The following UBE2H variants were observed in gnomAD, a reference collection of about 807,000 sequenced individuals.
The protein encoded by UBE2H is ubiquitin conjugating enzyme E2 H, also known as ubiquitin-conjugating enzyme E2 H.
In UBE2H, 3 loss-of-function variants were observed where a neutral mutation model predicts 29.0. The ratio of observed to expected loss-of-function variants is 0.10; its 90% confidence interval spans 0.05 to 0.27. The LOEUF is 0.27. UBE2H is among the 10% of genes least tolerant of loss of function. The pLI is 1.00. For missense variants in UBE2H, 68 were observed against 228.2 expected, an observed-to-expected ratio of 0.30 and a Z score of 4.52; for synonymous variants, 69 against 82.9, an observed-to-expected ratio of 0.83 and a Z score of 0.91.
At chr7:129,929,565 G>A (rs1486119758) in intron 1 of UBE2H, among the ~76,000 whole-genome samples, 1 of 151,966 alleles carries the variant, frequency 6.6e-6, no homozygotes, top group South Asian at 2.1e-4. Context: ...GGAAAAAAAG[G>A]TCTCAGAATC....
chr7:129,934,440 C>A (rs953636596), intron 1 of UBE2H, among the ~76,000 whole-genome samples: 10 of 149,400 alleles, frequency 6.7e-5, no homozygotes, highest in South Asian at 2.1e-4. Flanking sequence ...GAGTTCAAGA[C>A]CAGCCTGGCC....
At chr7:129,913,630 TG>T (rs1806984974) in intron 1 of UBE2H, among the ~76,000 whole-genome samples, 1 of 152,180 alleles carries the variant, frequency 6.6e-6, no homozygotes, top group Admixed American at 6.5e-5. Flanking sequence ...ATGAGGAAAC[TG>T]AGCCTCAGAA....
chr7:129,911,263 G>A (rs1203329924), intron 1 of UBE2H, among the ~76,000 whole-genome samples: 1 of 151,908 alleles, frequency 6.6e-6, no homozygotes, highest in Non-Finnish European at 1.5e-5. Flanking sequence ...AGCTACTCAG[G>A]AGGCTGAGGC....
intron 1 of UBE2H, among the ~76,000 whole-genome samples, chr7:129,938,308 G>T (rs1807569889): frequency 6.8e-6 from 1 of 147,866 alleles, no homozygotes; most frequent in Admixed American, 6.8e-5. Flanking sequence ...GCTACTCAGG[G>T]GGATGAGGCG....
intron 3 of UBE2H, among the ~76,000 whole-genome samples, chr7:129,860,073 G>T (rs1805772867): frequency 6.6e-6 from 1 of 152,216 alleles, no homozygotes; most frequent in Non-Finnish European, 1.5e-5. Context: ...AGTAAAATGG[G>T]AAGAGTCAGG....
chr7:129,876,849 T>C (rs1339499380), intron 3 of UBE2H, among the ~76,000 whole-genome samples: 2 of 152,224 alleles, frequency 1.3e-5, no homozygotes, highest in Non-Finnish European at 2.9e-5. Flanking sequence ...CCCACTCATT[T>C]ATAGATGCAA....
At position 129,832,563 on chromosome 7, in the gene UBE2H, C is replaced by G. The variant is rs151092864; in HGVS notation, c.*2374G>C. On this transcript the variant is annotated 3_prime_UTR_variant, in exon 7 of 7. Coordinates refer to ENST00000355621, the MANE Select transcript of UBE2H (RefSeq NM_003344.4). ...ACTCCTACAACCTCCCCCAGCAGGT[C>G]ATTTGACAATTCTGCATCTTCCGCT... 2 of 152,376 alleles carry G rather than the reference C, an allele frequency of 1.3e-5. No individual in the cohort carries two copies. Among genetic ancestry groups the G allele is most frequent in the East Asian group, 3.9e-4 (2 of 5,176 alleles). The allele number at this position is 152,376 out of a possible 1,614,324, so 9.4% of individuals were successfully genotyped here.
rs550273712 is a variant in UBE2H at position 129,952,629 on chromosome 7, C to A, written c.-74G>T. 36 of 1,543,458 alleles carry A rather than the reference C, an allele frequency of 2.3e-5. 1 individual carries two copies. The South Asian group carries it at 4.2e-4, about 18-fold the overall frequency. ...CGGGGCCCCGGCTCTGAGGAGCCCG[C>A]GGCCGCGCCGGCTCCTCGGTGGAGG... On this transcript the variant is annotated 5_prime_UTR_variant, in exon 1 of 7. Coordinates refer to ENST00000355621, the MANE Select transcript of UBE2H (RefSeq NM_003344.4).
chr7:129,910,759 A>G (rs1452941097), intron 1 of UBE2H, among the ~76,000 whole-genome samples: 1 of 151,870 alleles, frequency 6.6e-6, no homozygotes, highest in Non-Finnish European at 1.5e-5. Flanking sequence ...GTGGGCACCT[A>G]TAATCCCAGC....
intron 1 of UBE2H, among the ~76,000 whole-genome samples, chr7:129,898,432 G>A (rs1806642760): frequency 1.3e-5 from 2 of 152,084 alleles, no homozygotes; most frequent in African/African-American, 4.8e-5. Flanking sequence ...TCAACAATAA[G>A]AATGAAGGCT....
intron 1 of UBE2H, among the ~76,000 whole-genome samples, chr7:129,934,638 T>TAAAA (rs758214225): frequency 1.2e-4 from 8 of 65,822 alleles, no homozygotes; most frequent in South Asian, 5.5e-4. Context: ...ACTCCGTCTT[T>TAAAA]AAAAAAAAAA....
chr7:129,917,262 T>A (rs1671634585), intron 1 of UBE2H, among the ~76,000 whole-genome samples: 1 of 152,244 alleles, frequency 6.6e-6, no homozygotes, highest in African/African-American at 2.4e-5. Context: ...TTATGCTGTT[T>A]TTCATTTTAT....
intron 5 of UBE2H, among the ~76,000 whole-genome samples, chr7:129,853,693 G>A (rs1249052322): frequency 6.6e-6 from 1 of 152,190 alleles, no homozygotes; most frequent in African/African-American, 2.4e-5. Context: ...GAGAAAACAG[G>A]ATAAGAACAG....
intron 1 of UBE2H, among the ~76,000 whole-genome samples, chr7:129,890,444 G>A (rs931413793): frequency 4.6e-5 from 7 of 151,766 alleles, no homozygotes; most frequent in Middle Eastern, 3.4e-3. Flanking sequence ...CAATGGTGTG[G>A]TCTCGGCTCC....
At chr7:129,869,615 A>G (rs1022055468) in intron 3 of UBE2H, among the ~76,000 whole-genome samples, 1 of 152,230 alleles carries the variant, frequency 6.6e-6, no homozygotes, top group Non-Finnish European at 1.5e-5. Context: ...CACAGGAAGC[A>G]TCATTCACAT....
chr7:129,870,329 A>G (rs1806003143), intron 3 of UBE2H, among the ~76,000 whole-genome samples: 1 of 152,192 alleles, frequency 6.6e-6, no homozygotes, highest in African/African-American at 2.4e-5. Context: ...TAAAAATTAA[A>G]AACAGGCCAG....
At chr7:129,915,962 CTCG>C (rs1807035849) in intron 1 of UBE2H, among the ~76,000 whole-genome samples, 1 of 152,136 alleles carries the variant, frequency 6.6e-6, no homozygotes, top group Non-Finnish European at 1.5e-5. Context: ...CTCTATCTGC[CTCG>C]TAAGTCCATC....
At chr7:129,870,166 A>C (rs368555194) in intron 3 of UBE2H, among the ~76,000 whole-genome samples, 10 of 151,460 alleles carry the variant, frequency 6.6e-5, no homozygotes, top group East Asian at 3.9e-4. Flanking sequence ...CTCTTCTCAA[A>C]CACCAGGCCT....
At chr7:129,912,351 T>C (rs1375125339) in intron 1 of UBE2H, among the ~76,000 whole-genome samples, 1 of 152,200 alleles carries the variant, frequency 6.6e-6, no homozygotes, top group Non-Finnish European at 1.5e-5. Flanking sequence ...ATCTTGGCGA[T>C]GAGACTCAAG....
Sources: gnomAD v4.1 joint callset for allele counts (sites outside exome capture counted in the v4.1 genomes callset) on GRCh38, gnomAD v4.1.1 for gene constraint, MANE v1.5 for transcripts, NCBI Gene and HGNC (gene_info 2026-07-23, HGNC 2026-07-21) for gene names.